Variants in PRC1 observed in about 807,000 individuals in gnomAD.
PRC1 encodes the protein protein regulator of cytokinesis 1.
PRC1 carries 54 observed loss-of-function variants against 91.2 expected under a neutral mutation model. The observed-to-expected ratio is 0.59, with a 90% CI of 0.48 to 0.74. PRC1 has a LOEUF of 0.74. Ranked by LOEUF, PRC1 falls within the 30% of genes least tolerant of loss-of-function variation. PRC1 has a pLI of 0.00. For missense variants in PRC1, 727 were observed against 746.2 expected (o/e 0.97, Z 0.30); for synonymous variants, 275 against 263.6 (o/e 1.04, Z -0.42).
intron 9 of PRC1, among the ~76,000 whole-genome samples, chr15:90,975,482 T>C (rs1387713398): frequency 2.0e-5 from 3 of 152,180 alleles, no homozygotes; most frequent in African/African-American, 7.2e-5. Context: ...AATCACTAAA[T>C]GAGAGCGTTT....
intron 1 of PRC1, chr15:90,987,670 C>G (rs1338078469): frequency 6.6e-6 from 1 of 152,194 alleles, no homozygotes; most frequent in Non-Finnish European, 1.5e-5. Context: ...ACCAGAGAAA[C>G]TACAATCTAG....
At chr15:90,991,710 C>T (rs1055771385) in intron 1 of PRC1, among the ~76,000 whole-genome samples, 60 of 152,224 alleles carry the variant, frequency 3.9e-4, no homozygotes, top group Non-Finnish European at 5.0e-4. Context: ...CAGAATCTCA[C>T]TCCTCCTGAC....
In PRC1 at chr15:90,970,512, C is replaced by T. The variant is rs1426695303; in HGVS notation, c.1464G>A (p.Leu488=). Residue 488 remains leucine, a splice_region_variant and synonymous_variant, in exon 12 of 15, where the codon CTG becomes CTA. Transcript: ENST00000394249. ...APNTPGKARK[L]NTTTMSNATA... is the part of the protein sequence containing the mutation. Reference sequence around the variant, plus strand: ...TAGCATTGGACATGGTGGTAGTGTTCAGCTAGGGAGAAGAGCACGTGGGTA... The same window carrying T: ...TAGCATTGGACATGGTGGTAGTGTTTAGCTAGGGAGAAGAGCACGTGGGTA... 2 of 1,606,808 alleles carry T rather than the reference C, an allele frequency of 1.2e-6. No individual in the cohort carries two copies. The highest frequency in any genetic ancestry group is 2.2e-5 in the East Asian group (1 of 44,728).
rs1596310331 is a variant in PRC1 at position 90,980,300 on chromosome 15, G to A, written c.912C>T (p.Tyr304=). The A allele has an allele frequency of 6.2e-7, 1 of 1,614,182 alleles. No individual in the cohort carries two copies. The highest frequency in any genetic ancestry group is 8.5e-7 in the Non-Finnish European group (1 of 1,180,024). ...IEAIRVELVQ[Y]WDQCFYSQEQ... is the part of the protein sequence containing the mutation. ...CCTGGCTATAAAAGCACTGGTCCCA[G>A]TACTGAACCAGCTCCACTCGAATTG... is the stretch of plus-strand genomic sequence containing the variant. Residue 304 remains tyrosine (Y), a synonymous_variant, in exon 7 of 15, where the codon TAC becomes TAT. Coordinates refer to ENST00000394249, the MANE Select transcript of PRC1 (RefSeq NM_003981.4).
At position 90,984,423 on chromosome 15, in the gene PRC1, T is replaced by G. The variant is rs867252436; in HGVS notation, c.144+270A>C. 2.0e-5 allele frequency among the ~76,000 whole-genome samples: 3 copies of G among 151,952 alleles called. No individual in the cohort carries two copies. The highest frequency in any genetic ancestry group is 3.4e-3 in the Middle Eastern group (1 of 294). ...TTTTTATTTTTAGTAGAGACGGAGG[T>G]TCACCATGTTGATCAGGCTGGTCTT... On this transcript the variant is annotated intron_variant, in intron 2 of 14. Transcript: ENST00000394249. The surrounding 1 kb of genome is among the most constrained non-coding windows in gnomAD (Gnocchi z 5.1).
chr15:90,978,299 T>C (rs1326212289), intron 8 of PRC1, among the ~76,000 whole-genome samples: 1 of 152,212 alleles, frequency 6.6e-6, no homozygotes, highest in Non-Finnish European at 1.5e-5. Flanking sequence ...CCTTCCTTAG[T>C]TTAACAGAAC....
intron 11 of PRC1, among the ~76,000 whole-genome samples, chr15:90,971,897 G>A (rs1382297990): frequency 5.3e-5 from 8 of 152,040 alleles, no homozygotes; most frequent in South Asian, 4.1e-4. Context: ...GCATAGTGGC[G>A]CGGGCCTGTA....
intron 14 of PRC1, 182 bp downstream of exon 14, chr15:90,968,897 T>G (rs1418176986): frequency 1.8e-5 from 26 of 1,409,606 alleles, no homozygotes; most frequent in Non-Finnish European, 2.4e-5. Flanking sequence ...TGAACAAATT[T>G]TATTAATTAA....
intron 1 of PRC1, among the ~76,000 whole-genome samples, chr15:90,989,325 G>A (rs375546430): frequency 4.6e-5 from 7 of 151,702 alleles, no homozygotes; most frequent in East Asian, 1.9e-4. Context: ...ATAGCTCAAC[G>A]CAGCCTCAAC....
intron 14 of PRC1, 160 bp downstream of exon 14, chr15:90,968,919 T>G: frequency 1.1e-5 from 16 of 1,461,780 alleles, no homozygotes; most frequent in Non-Finnish European, 1.5e-5. Flanking sequence ...CTGTTGTGAA[T>G]GTAAATCAGA....
chr15:90,994,117 G>A (rs984854482), intron 1 of PRC1, among the ~76,000 whole-genome samples: 1 of 151,812 alleles, frequency 6.6e-6, no homozygotes, highest in African/African-American at 2.4e-5. Context: ...CCCGGGCCTC[G>A]ACTACCCTGC....
chr15:90,986,643 A>G (rs917681866), intron 1 of PRC1, among the ~76,000 whole-genome samples: 1 of 152,198 alleles, frequency 6.6e-6, no homozygotes, highest in East Asian at 1.9e-4. Context: ...CAAAAAAGAA[A>G]ATGAACACAC....
rs2038730926 is a variant in PRC1 at position 90,976,699 on chromosome 15, T to G, written c.1180A>C (p.Lys394Gln). 6.2e-7 allele frequency: 1 copy of G among 1,613,354 alleles called. No homozygotes were observed. Among genetic ancestry groups the G allele is most frequent in the African/African-American group, 1.3e-5 (1 of 75,052 alleles). The change falls in exon 9 of 15, where the codon AAG (lysine) becomes CAG (glutamine). Residue 394 changes from lysine (K) to glutamine (Q), a missense_variant. Coordinates refer to ENST00000394249, the MANE Select transcript of PRC1 (RefSeq NM_003981.4). ...ACCTTGGGCAGCATTTTCTGGAGCT[T>G]GGCTCGTTGTTTTTCTTCTTTTAGA... ...NLLKEEKQRA[K>Q]LQKMLPKLEE...
intron 1 of PRC1, among the ~76,000 whole-genome samples, chr15:90,990,455 G>T (rs2039910780): frequency 6.7e-6 from 1 of 150,230 alleles, no homozygotes; most frequent in East Asian, 1.9e-4. Context: ...TGAACTCCTG[G>T]GCTCAAGTAG....
intron 1 of PRC1, among the ~76,000 whole-genome samples, chr15:90,992,533 TG>T: frequency 6.6e-6 from 1 of 152,276 alleles, no homozygotes; most frequent in Middle Eastern, 3.4e-3. Context: ...GGATTACAGG[TG>T]TGAGCCACTG....
chr15:90,988,000 A>G (rs2039706878), intron 1 of PRC1: 1 of 152,154 alleles, frequency 6.6e-6, no homozygotes, highest in Non-Finnish European at 1.5e-5. Context: ...AATACTGACA[A>G]ACGTTTAAAA....
chr15:90,989,042 G>A lies in PRC1; in HGVS notation c.12-4217C>T, dbSNP rs150093407. Among the ~76,000 whole-genome samples the A allele has an allele frequency of 2.8e-3, 425 of 152,194 alleles. 2 individuals carry two copies. The highest frequency in any genetic ancestry group is 9.8e-3 in the African/African-American group (406 of 41,540). ...ATTTCTCCAAAGAAGATATAAAAAT[G>A]GCCAATAAGCACATGAAAAGATGCT... On this transcript the variant is annotated intron_variant, in intron 1 of 14. Coordinates refer to ENST00000394249, the MANE Select transcript of PRC1 (RefSeq NM_003981.4).
At chr15:90,992,425 TA>T (rs922802186) in intron 1 of PRC1, among the ~76,000 whole-genome samples, 10 of 152,316 alleles carry the variant, frequency 6.6e-5, no homozygotes, top group African/African-American at 2.4e-4. Context: ...TATAAATTAT[TA>T]TTTTTTAAAT....
At chr15:90,973,957 G>A in intron 11 of PRC1, 179 bp downstream of exon 11, 1 of 577,552 alleles carries the variant, frequency 1.7e-6, no homozygotes, top group East Asian at 3.0e-5. Context: ...CTGAGTGCTG[G>A]TCCCCTGGGC....
Sources: gnomAD v4.1 joint callset for allele counts (sites outside exome capture counted in the v4.1 genomes callset) on GRCh38, gnomAD v4.1.1 for gene constraint, Gnocchi (gnomAD v3.1) non-coding constraint, MANE v1.5 for transcripts, NCBI Gene and HGNC (gene_info 2026-07-23, HGNC 2026-07-21) for gene names.